Variants in SMIM14 observed in about 807,000 individuals in gnomAD.
The protein encoded by SMIM14 is small integral membrane protein 14, also known as chromosome 4 open reading frame 34.
SMIM14 carries 5 observed loss-of-function variants against 12.6 expected under a neutral mutation model. The ratio of observed to expected loss-of-function variants is 0.40; its 90% CI spans 0.21 to 0.83. The LOEUF (loss-of-function observed/expected upper bound fraction) is 0.83, where lower values mean the gene tolerates loss of function less well. Ranked by LOEUF, SMIM14 falls within the 40% of genes least tolerant of loss-of-function variation. The probability of loss-of-function intolerance (pLI) is 0.37; values close to 1 mark genes in which losing one functional copy is unlikely to be tolerated. For synonymous variants in SMIM14, 30 were observed against 40.1 expected, an observed-to-expected ratio of 0.75 and a Z score of 0.95; for missense variants, 86 against 119.1, an observed-to-expected ratio of 0.72 and a Z score of 1.29.
intron 1 of SMIM14, among the ~76,000 whole-genome samples, chr4:39,635,701 G>GT (rs1339337111): frequency 6.6e-6 from 1 of 152,162 alleles, no homozygotes; most frequent in East Asian, 1.9e-4. Flanking sequence ...AAGATTTTAG[G>GT]TAAGTTTATG....
intron 3 of SMIM14, among the ~76,000 whole-genome samples, chr4:39,561,142 A>G (rs1712290933): frequency 6.6e-6 from 1 of 152,076 alleles, no homozygotes; most frequent in African/African-American, 2.4e-5. Flanking sequence ...GATATATGCA[A>G]TATACTTATT....
chr4:39,634,880 C>G (rs907590247), intron 1 of SMIM14, among the ~76,000 whole-genome samples: 5 of 152,148 alleles, frequency 3.3e-5, no homozygotes, highest in Non-Finnish European at 2.9e-5. Flanking sequence ...AAGAGGAATA[C>G]AGACATGTTC....
In SMIM14 at chr4:39,622,493, C is replaced by A. The variant is rs181089155; in HGVS notation, c.-36+16246G>T. On this transcript the variant is annotated intron_variant, in intron 1 of 4. Transcript: ENST00000295958. ...TCGGCTCACCGCAACCTCCACCTCC[C>A]GGATTCAAGTGATTCTCCTGCCCCA... Among the ~76,000 whole-genome samples, 539 of 152,332 alleles carry A rather than the reference C, an allele frequency of 3.5e-3. 3 individuals carry two copies. The highest frequency in any genetic ancestry group is 0.013 in the African/African-American group (522 of 41,578).
chr4:39,632,489 A>C (rs958758308), intron 1 of SMIM14, among the ~76,000 whole-genome samples: 1 of 151,392 alleles, frequency 6.6e-6, no homozygotes, highest in East Asian at 2.0e-4. Flanking sequence ...AAAAAAAAAA[A>C]AAAAAAAAAA....
At chr4:39,572,521 T>C (rs1043417434) in intron 2 of SMIM14, 58 bp from the exon 3 acceptor site, 27 of 1,428,526 alleles carry the variant, frequency 1.9e-5, no homozygotes, top group African/African-American at 2.8e-5. Context: ...TGGACCATAA[T>C]TATTAGAAAG....
intron 1 of SMIM14, among the ~76,000 whole-genome samples, chr4:39,633,534 G>A (rs1339642531): frequency 6.6e-6 from 1 of 152,180 alleles, no homozygotes; most frequent in Non-Finnish European, 1.5e-5. Context: ...ACTTTGGGAG[G>A]TCAAGGCAGA....
At position 39,547,293 on chromosome 4, in the gene SMIM14, A is replaced by G. The variant is rs1209268784; in HGVS notation, c.*4833T>C. The G allele has an allele frequency of 6.9e-6, 1 of 145,194 alleles. No individual in the cohort carries two copies. Among genetic ancestry groups the G allele is most frequent in the Non-Finnish European group, 1.6e-5 (1 of 63,118 alleles). 9.0% of individuals were successfully genotyped at this position (145,194 alleles called of 1,614,324 possible). A position where few individuals can be genotyped will look rare whatever the true frequency, so the allele number is the denominator to read the frequency against. On this transcript the variant is annotated 3_prime_UTR_variant, in exon 5 of 5. Coordinates refer to ENST00000295958, the MANE Select transcript of SMIM14 (RefSeq NM_174921.3). Reference sequence around the variant, plus strand: ...CCCACAAAAGCCAAACAGAAAACACAAAGTGTTACTAACGTTTTCTATTTA... The same window carrying G: ...CCCACAAAAGCCAAACAGAAAACACGAAGTGTTACTAACGTTTTCTATTTA...
chr4:39,594,213 C>G (rs2110043233), intron 2 of SMIM14: 1 of 152,226 alleles, frequency 6.6e-6, no homozygotes, highest in East Asian at 1.9e-4. Context: ...AGATATAGAT[C>G]AATGGAACAG....
intron 2 of SMIM14, among the ~76,000 whole-genome samples, chr4:39,590,346 G>A (rs1311936665): frequency 6.6e-6 from 1 of 150,700 alleles, no homozygotes; most frequent in Non-Finnish European, 1.5e-5. Context: ...AATTGAGGTG[G>A]AAGTTACGGT....
At chr4:39,567,169 AG>A (rs1712621321) in intron 3 of SMIM14, among the ~76,000 whole-genome samples, 1 of 146,102 alleles carries the variant, frequency 6.8e-6, no homozygotes, top group Non-Finnish European at 1.5e-5. Flanking sequence ...AAAAAAAAAA[AG>A]GAAGCCGCAA....
chr4:39,592,180 G>A (rs1221366712), intron 2 of SMIM14, among the ~76,000 whole-genome samples: 2 of 151,732 alleles, frequency 1.3e-5, no homozygotes, highest in Non-Finnish European at 2.9e-5. Context: ...ATGATACAAT[G>A]AGACCCTGTC....
In SMIM14 at chr4:39,620,477, C is replaced by CA. The variant is rs1049234179; in HGVS notation, c.-35-15298dup. ...CCTGGGCGAGAGAGATAGACTGTAT[C>CA]AAAAAAAAAATTATTTAAAAATAAA... On this transcript the variant is annotated intron_variant, in intron 1 of 4. Coordinates refer to ENST00000295958, the MANE Select transcript of SMIM14 (RefSeq NM_174921.3). Among the ~76,000 whole-genome samples, 80 of 148,726 alleles carry CA rather than the reference C, an allele frequency of 5.4e-4. 1 individual carries two copies. Among genetic ancestry groups the CA allele is most frequent in the East Asian group, 3.5e-3 (18 of 5,122 alleles).
chr4:39,631,858 C>A (rs550394483), intron 1 of SMIM14, among the ~76,000 whole-genome samples: 1 of 151,570 alleles, frequency 6.6e-6, no homozygotes, highest in South Asian at 2.1e-4. Context: ...AAACCAGCTT[C>A]ATTCTGTCAT....
At chr4:39,597,787 A>G (rs1714434388) in intron 2 of SMIM14, among the ~76,000 whole-genome samples, 1 of 152,066 alleles carries the variant, frequency 6.6e-6, no homozygotes, top group South Asian at 2.1e-4. Flanking sequence ...GTACCTCACT[A>G]CATCATGGTC....
chr4:39,600,604 C>A (rs191636811), intron 2 of SMIM14, among the ~76,000 whole-genome samples: 1,621 of 152,192 alleles, frequency 0.011, 19 homozygotes, highest in South Asian at 0.02. Flanking sequence ...GCAGGAGAAT[C>A]GCTTGAATGC....
At chr4:39,611,637 T>G (rs1715039402) in intron 1 of SMIM14, among the ~76,000 whole-genome samples, 1 of 152,104 alleles carries the variant, frequency 6.6e-6, no homozygotes, top group Admixed American at 6.6e-5. Context: ...TTGCCCAGCC[T>G]GGGCAACAGA....
chr4:39,568,652 AC>A (rs1163821693), intron 3 of SMIM14, among the ~76,000 whole-genome samples: 2 of 152,196 alleles, frequency 1.3e-5, no homozygotes, highest in Non-Finnish European at 2.9e-5. Flanking sequence ...TTAAAAAATA[AC>A]TTTTTCCAAT....
intron 1 of SMIM14, among the ~76,000 whole-genome samples, chr4:39,606,412 G>A (rs1400101939): frequency 2.6e-5 from 4 of 151,806 alleles, no homozygotes; most frequent in Non-Finnish European, 5.9e-5. Context: ...GGAGGCCGAG[G>A]TGGGTGGATC....
intron 1 of SMIM14, among the ~76,000 whole-genome samples, chr4:39,626,931 T>C (rs1715724506): frequency 6.6e-6 from 1 of 152,200 alleles, no homozygotes; most frequent in African/African-American, 2.4e-5. Flanking sequence ...TTTTCTCAGG[T>C]GCCTTAGTCT....
Sources: gnomAD v4.1 joint callset for allele counts (sites outside exome capture counted in the v4.1 genomes callset) on GRCh38, gnomAD v4.1.1 for gene constraint, MANE v1.5 for transcripts, NCBI Gene and HGNC (gene_info 2026-07-23, HGNC 2026-07-21) for gene names.